The following BCAS1 variants were observed in gnomAD, a reference collection of about 807,000 sequenced individuals.
BCAS1 encodes the protein breast carcinoma-amplified sequence 1.
A neutral mutation model predicts 65.4 loss-of-function variants in BCAS1; 46 were observed. The ratio of observed to expected loss-of-function variants is 0.70; its 90% CI spans 0.55 to 0.90. BCAS1 has a LOEUF of 0.90. BCAS1 is among the 40% of genes least tolerant of loss of function. The pLI is 0.00. For missense variants in BCAS1, 793 were observed against 771.2 expected (o/e 1.03, Z -0.33); for synonymous variants, 298 against 293.5 (o/e 1.02, Z -0.16).
intron 1 of BCAS1, 132 bp from the exon 2 acceptor site, chr20:54,058,855 C>G (rs1367879062): frequency 1.0e-6 from 1 of 978,376 alleles, no homozygotes; most frequent in African/African-American, 1.6e-5. Context: ...GAACAAATTG[C>G]TTGTATTAGT....
intron 11 of BCAS1, among the ~76,000 whole-genome samples, chr20:53,955,133 TAGG>T (rs1386492072): frequency 1.3e-5 from 2 of 152,166 alleles, no homozygotes; most frequent in Non-Finnish European, 2.9e-5. Context: ...GCATCAACTG[TAGG>T]AGAACTTTCT....
At chr20:53,975,644 A>C (rs1448061165) in intron 8 of BCAS1, among the ~76,000 whole-genome samples, 2 of 152,092 alleles carry the variant, frequency 1.3e-5, no homozygotes, top group African/African-American at 4.8e-5. Context: ...AATGCAACAA[A>C]GAGAAAATTA....
At chr20:54,058,761 C>A (rs749656483) in intron 1 of BCAS1, 38 bp from the exon 2 acceptor site, 1 of 1,601,004 alleles carries the variant, frequency 6.2e-7, no homozygotes, top group Admixed American at 1.7e-5. Context: ...AGAAAGAAAT[C>A]AAAACCAAAC....
intron 10 of BCAS1, among the ~76,000 whole-genome samples, chr20:53,962,314 G>A (rs996329438): frequency 6.6e-6 from 1 of 152,034 alleles, no homozygotes; most frequent in Non-Finnish European, 1.5e-5. Flanking sequence ...CTCCTCATTT[G>A]GACTTTTAAT....
At chr20:54,032,090 C>T (rs545288123) in intron 3 of BCAS1, among the ~76,000 whole-genome samples, 9 of 151,332 alleles carry the variant, frequency 5.9e-5, no homozygotes, top group African/African-American at 2.2e-4. Context: ...GAGTGAAAGG[C>T]CCGGTCACCT....
At chr20:53,993,588 T>C (rs1285157694) in intron 6 of BCAS1, among the ~76,000 whole-genome samples, 2 of 152,144 alleles carry the variant, frequency 1.3e-5, no homozygotes, top group Non-Finnish European at 2.9e-5. Flanking sequence ...TCTTGGTCCA[T>C]GACCAGCTAA....
In BCAS1 at chr20:54,038,733, G is replaced by A. The variant is rs889502868; in HGVS notation, c.143-9761C>T. 1.5e-4 allele frequency among the ~76,000 whole-genome samples: 23 copies of A among 151,248 alleles called. 2 individuals carry two copies. The highest frequency in any genetic ancestry group is 1.3e-4 in the Admixed American group (2 of 15,144). On this transcript the variant is annotated intron_variant, in intron 3 of 12. Coordinates refer to ENST00000688948, the MANE Select transcript of BCAS1 (RefSeq NM_001366298.2). ...TGTCCATGTATGAACATTATTCACC[G>A]CCGAATCATCTCTTCCTATGCAAGC...
chr20:54,061,713 C>T (rs1260019473), intron 1 of BCAS1, among the ~76,000 whole-genome samples: 1 of 152,162 alleles, frequency 6.6e-6, no homozygotes, highest in African/African-American at 2.4e-5. Flanking sequence ...TCTGATCATA[C>T]CACATAATAA....
At chr20:54,008,809 T>C (rs534837474) in intron 4 of BCAS1, among the ~76,000 whole-genome samples, 154 of 138,064 alleles carry the variant, frequency 1.1e-3, no homozygotes, top group African/African-American at 4.2e-3. Flanking sequence ...CTAACAAAGA[T>C]TTTTTTTTTT....
At chr20:54,069,339 G>C (rs1322951034) in intron 1 of BCAS1, among the ~76,000 whole-genome samples, 3 of 152,214 alleles carry the variant, frequency 2.0e-5, no homozygotes, top group Non-Finnish European at 4.4e-5. Flanking sequence ...CGCTGTTCCT[G>C]ATCTTATCTT....
At chr20:54,048,103 C>T (rs1600992750) in intron 3 of BCAS1, among the ~76,000 whole-genome samples, 1 of 152,178 alleles carries the variant, frequency 6.6e-6, no homozygotes, top group East Asian at 1.9e-4. Flanking sequence ...GATGGGGTGT[C>T]TCACAGAGTT....
chr20:53,968,103 C>T (rs905576589), intron 9 of BCAS1, among the ~76,000 whole-genome samples: 1 of 152,210 alleles, frequency 6.6e-6, no homozygotes, highest in Non-Finnish European at 1.5e-5. Context: ...GAGTGATCCT[C>T]CTACCTTGGC....
intron 7 of BCAS1, among the ~76,000 whole-genome samples, chr20:53,989,684 T>C (rs1351331213): frequency 6.6e-6 from 1 of 152,190 alleles, no homozygotes; most frequent in East Asian, 1.9e-4. Flanking sequence ...GTCCCCCAGA[T>C]GGAGTTCTGC....
At chr20:53,946,653 T>C (rs1000084107) in intron 12 of BCAS1, among the ~76,000 whole-genome samples, 3 of 150,948 alleles carry the variant, frequency 2.0e-5, no homozygotes, top group South Asian at 4.1e-4. Flanking sequence ...TTTTATAGTA[T>C]ATATAGTATA....
chr20:53,944,618 A>G lies in BCAS1; in HGVS notation c.*304T>C, dbSNP rs113115018. 7.0e-5 allele frequency: 21 copies of G among 299,550 alleles called. No individual in the cohort carries two copies. Among genetic ancestry groups the G allele is most frequent in the African/African-American group, 3.7e-4 (17 of 46,454 alleles). The allele number at this position is 299,550 out of a possible 1,614,324, so 18.6% of individuals were successfully genotyped here. ...GCCACCACGCCCGGCCACCACTGCCATTTTCATCACTTAACCCGAACACAT... is the reference window on the plus strand; with the variant it reads ...GCCACCACGCCCGGCCACCACTGCCGTTTTCATCACTTAACCCGAACACAT... On this transcript the variant is annotated 3_prime_UTR_variant, in exon 13 of 13. Transcript: ENST00000688948.
chr20:54,055,834 A>G lies in BCAS1; in HGVS notation c.142+2251T>C, dbSNP rs147223607. Among the ~76,000 whole-genome samples, 7 of 152,358 alleles carry G rather than the reference A, an allele frequency of 4.6e-5. No homozygotes were observed. The East Asian group carries it at 1.3e-3, about 29-fold the overall frequency. ...CATATACATGTGTGTAAATACACAC[A>G]CACAACAGAATAGTTATTCAATCAT... On this transcript the variant is annotated intron_variant, in intron 3 of 12. Transcript: ENST00000688948.
At chr20:53,971,168 C>T (rs945322377) in intron 9 of BCAS1, among the ~76,000 whole-genome samples, 1 of 152,210 alleles carries the variant, frequency 6.6e-6, no homozygotes, top group Non-Finnish European at 1.5e-5. Context: ...CACACCTGTG[C>T]CCATTGATGT....
chr20:53,952,172 A>ATTCCAAC (rs1302427515), intron 12 of BCAS1, among the ~76,000 whole-genome samples: 2 of 152,260 alleles, frequency 1.3e-5, no homozygotes, highest in Admixed American at 6.5e-5. Context: ...CAAGTAATGT[A>ATTCCAAC]TTCCAACTTT....
rs2091872300 is a variant in BCAS1 at position 54,035,031 on chromosome 20, G to C, written c.143-6059C>G. On this transcript the variant is annotated intron_variant, in intron 3 of 12. Coordinates refer to ENST00000688948, the MANE Select transcript of BCAS1 (RefSeq NM_001366298.2). ...ACAAACCTGACAAAAACATGCAATG[G>C]GGAAAAGATTTCCTATTCAATAAAA... Among the ~76,000 whole-genome samples the C allele has an allele frequency of 1.3e-5, 2 of 151,216 alleles. 1 individual carries two copies. The highest frequency in any genetic ancestry group is 3.0e-5 in the Non-Finnish European group (2 of 67,604).
Sources: gnomAD v4.1 joint callset for allele counts (sites outside exome capture counted in the v4.1 genomes callset) on GRCh38, gnomAD v4.1.1 for gene constraint, MANE v1.5 for transcripts, NCBI Gene and HGNC (gene_info 2026-07-23, HGNC 2026-07-21) for gene names.